Variants in CRMP1 observed in about 807,000 individuals in gnomAD.
CRMP1 encodes collapsin response mediator protein 1.
Under a neutral mutation model 68.3 loss-of-function variants are expected in CRMP1, and 19 were observed. The observed-to-expected ratio is 0.28, with a 90% confidence interval of 0.19 to 0.41. The LOEUF (loss-of-function observed/expected upper bound fraction) is 0.41, where lower values mean the gene tolerates loss of function less well. Ranked by LOEUF, CRMP1 falls within the 10% of genes least tolerant of loss-of-function variation. The pLI, the probability that CRMP1 is intolerant of heterozygous loss-of-function variation, is 1.00. For missense variants in CRMP1, 791 were observed against 967.4 expected (o/e 0.82, Z 2.42); for synonymous variants, 439 against 399.6 (o/e 1.10, Z -1.18).
intron 1 of CRMP1, among the ~76,000 whole-genome samples, chr4:5,882,331 C>T (rs10014289): frequency 0.39 from 59,179 of 152,108 alleles, 14,403 homozygotes; most frequent in East Asian, 0.73. Flanking sequence ...ATGCACAGAG[C>T]AGACTCACTA....
rs796995968 is a variant in CRMP1, at chr4:5,883,258, TCCTC to T, written c.381+9327_381+9330del. 4.0e-4 allele frequency among the ~76,000 whole-genome samples: 60 copies of T among 151,676 alleles called. No homozygotes were observed. The highest frequency in any genetic ancestry group is 1.1e-3 in the African/African-American group (46 of 41,298). ...TTCCTTCCTTCCTTCCTTCCTTCCT[TCCTC>T]CCTCCCTCCCTCCCTTCCTGTCTTT... is the stretch of plus-strand genomic sequence containing the variant. On this transcript the variant is annotated intron_variant, in intron 1 of 13. Transcript: ENST00000324989. This position sits in a 1 kb window ranked among gnomAD's most constrained non-coding sequence, Gnocchi z 4.5.
At position 5,825,445 on chromosome 4, in the gene CRMP1, G is replaced by A. The variant is rs1719398372; in HGVS notation, c.1969+49C>T. 5 of 1,522,434 alleles carry A rather than the reference G, an allele frequency of 3.3e-6. No homozygotes were observed. The highest frequency in any genetic ancestry group is 1.4e-5 in the South Asian group (1 of 73,784). The allele number at this position is 1,522,434 out of a possible 1,614,324, so 94.3% of individuals were successfully genotyped here. A position where few individuals can be genotyped will look rare whatever the true frequency, so the allele number is the denominator to read the frequency against. On this transcript the variant is annotated intron_variant, in intron 13 of 13. Coordinates refer to ENST00000324989, the MANE Select transcript of CRMP1 (RefSeq NM_001014809.3). The surrounding 1 kb of genome is among the most constrained non-coding windows in gnomAD (Gnocchi z 4.4). Reference sequence around the variant, plus strand: ...CCTCAGAAGCAGCAGGAAGGACTCGGCCTGAACTGCTGCAATTGTGGGGAG... The same window carrying A: ...CCTCAGAAGCAGCAGGAAGGACTCGACCTGAACTGCTGCAATTGTGGGGAG...
chr4:5,846,335 A>C (rs1443719516), intron 6 of CRMP1, among the ~76,000 whole-genome samples: 1 of 152,170 alleles, frequency 6.6e-6, no homozygotes, highest in Non-Finnish European at 1.5e-5. Context: ...AGACATTTCA[A>C]AGAGATGAAG....
At position 5,888,578 on chromosome 4, in the gene CRMP1, CCT is replaced by C; in HGVS notation, c.381+4009_381+4010del. 2 of 1,092,592 alleles carry C rather than the reference CCT, an allele frequency of 1.8e-6. No homozygotes were observed. Among genetic ancestry groups the C allele is most frequent in the Non-Finnish European group, 2.2e-6 (2 of 899,150 alleles). The allele number at this position is 1,092,592 out of a possible 1,614,324, so 67.7% of individuals were successfully genotyped here. ...GGCGCGGAGCGAAGCCGGATTCGCC[CCT>C]CTCGGCTCGAACCAGGAAGCGCTTC... On this transcript the variant is annotated intron_variant, in intron 1 of 13. Coordinates refer to ENST00000324989, the MANE Select transcript of CRMP1 (RefSeq NM_001014809.3). This position sits in a 1 kb window ranked among gnomAD's most constrained non-coding sequence, Gnocchi z 6.4.
At chr4:5,840,678 G>A (rs1466542549) in intron 8 of CRMP1, among the ~76,000 whole-genome samples, 1 of 152,222 alleles carries the variant, frequency 6.6e-6, no homozygotes, top group Non-Finnish European at 1.5e-5. Context: ...CGTGTGGTTA[G>A]TGGCTACCTT....
At chr4:5,857,367 C>T (rs1403990722) in intron 3 of CRMP1, among the ~76,000 whole-genome samples, 1 of 152,050 alleles carries the variant, frequency 6.6e-6, no homozygotes. Flanking sequence ...TCATCACCAT[C>T]ATCACCATCC....
rs1715729213 is a variant in CRMP1 at position 5,888,089 on chromosome 4, C to T, written c.381+4500G>A. On this transcript the variant is annotated intron_variant, in intron 1 of 13. Coordinates refer to ENST00000324989, the MANE Select transcript of CRMP1 (RefSeq NM_001014809.3). This position sits in a 1 kb window ranked among gnomAD's most constrained non-coding sequence, Gnocchi z 6.4. Reference sequence around the variant, plus strand: ...GGGGGAGGGGGCTGAAATCCCGAGACCGGCCCCGCCCCACCCGCGGCGACG... The same window carrying T: ...GGGGGAGGGGGCTGAAATCCCGAGATCGGCCCCGCCCCACCCGCGGCGACG... 1 of 1,015,702 alleles carries T rather than the reference C, an allele frequency of 9.8e-7. No homozygotes were observed. The highest frequency in any genetic ancestry group is 4.4e-5 in the Admixed American group (1 of 22,822). The allele number at this position is 1,015,702 out of a possible 1,614,324, so 62.9% of individuals were successfully genotyped here. A position where few individuals can be genotyped will look rare whatever the true frequency, so the allele number is the denominator to read the frequency against.
chr4:5,864,579 G>A (rs1028440274), intron 2 of CRMP1, among the ~76,000 whole-genome samples: 2 of 152,050 alleles, frequency 1.3e-5, no homozygotes, highest in East Asian at 3.9e-4. Flanking sequence ...AGGGCGGGGG[G>A]CCACGAGGCA....
rs369101516 is a variant in CRMP1 at position 5,843,123 on chromosome 4, G to A, written c.1002C>T (p.Pro334=). 7.4e-6 allele frequency: 12 copies of A among 1,614,148 alleles called. No homozygotes were observed. Among genetic ancestry groups the A allele is most frequent in the East Asian group, 2.2e-5 (1 of 44,868 alleles). Residue 334 remains proline, a synonymous_variant, in exon 7 of 14, where the codon CCC becomes CCT. Transcript: ENST00000324989. This position sits in a 1 kb window ranked among gnomAD's most constrained non-coding sequence, Gnocchi z 4.1. Reference sequence around the variant, plus strand: ...CAGGTCTGCTCAGGGCATGGCCCTCGGGACCCGTGATGCCCATCTCCAGGA... The same window carrying A: ...CAGGTCTGCTCAGGGCATGGCCCTCAGGACCCGTGATGCCCATCTCCAGGA... The part of the protein sequence containing the change: ...KRILEMGITG[P]EGHALSRPEE...
rs185846457 is a variant in CRMP1, at chr4:5,877,295, G to A, written c.382-10539C>T. ...GGGGTGTTTGTTAGGCAGCATCATC[G>A]CATCAAAGCAAATTAATACATCGTA... On this transcript the variant is annotated intron_variant, in intron 1 of 13. Coordinates refer to ENST00000324989, the MANE Select transcript of CRMP1 (RefSeq NM_001014809.3). This position sits in a 1 kb window ranked among gnomAD's most constrained non-coding sequence, Gnocchi z 4.3. Among the ~76,000 whole-genome samples, 3 of 152,324 alleles carry A rather than the reference G, an allele frequency of 2.0e-5. No homozygotes were observed. Among genetic ancestry groups the A allele is most frequent in the East Asian group, 1.9e-4 (1 of 5,190 alleles).
chr4:5,840,603 G>A (rs917904474), intron 8 of CRMP1, among the ~76,000 whole-genome samples: 1 of 152,208 alleles, frequency 6.6e-6, no homozygotes, highest in Non-Finnish European at 1.5e-5. Flanking sequence ...TGGTGTGGCT[G>A]GTGCCACTGA....
chr4:5,843,292 C>G lies in CRMP1; in HGVS notation c.964-131G>C. The G allele has an allele frequency of 1.2e-6, 1 of 801,222 alleles. No homozygotes were observed. The highest frequency in any genetic ancestry group is 2.6e-5 in the East Asian group (1 of 38,144). 49.6% of individuals were successfully genotyped at this position (801,222 alleles called of 1,614,324 possible). The stretch of plus-strand genomic sequence containing the variant: ...AGGCGAGTGGCTTGCACTAGGTTAA[C>G]AGTGTGCGGGGTGGGGGCAGTGAAC... On this transcript the variant is annotated intron_variant, in intron 6 of 13. Coordinates refer to ENST00000324989, the MANE Select transcript of CRMP1 (RefSeq NM_001014809.3). This position sits in a 1 kb window ranked among gnomAD's most constrained non-coding sequence, Gnocchi z 4.1.
At chr4:5,862,650 G>A (rs985835939) in intron 2 of CRMP1, among the ~76,000 whole-genome samples, 7 of 152,178 alleles carry the variant, frequency 4.6e-5, no homozygotes, top group African/African-American at 1.4e-4. Flanking sequence ...GCCTGGGCAC[G>A]GTCCAGGCAG....
intron 11 of CRMP1, among the ~76,000 whole-genome samples, chr4:5,835,462 T>C (rs1311108310): frequency 6.6e-6 from 1 of 152,150 alleles, no homozygotes; most frequent in Non-Finnish European, 1.5e-5. Flanking sequence ...TGTGAAAAAG[T>C]GTGCACTTTA....
At position 5,841,231 on chromosome 4, in the gene CRMP1, G is replaced by A; in HGVS notation, c.1153+77C>T. The A allele has an allele frequency of 1.2e-6, 2 of 1,609,890 alleles. No homozygotes were observed. The highest frequency in any genetic ancestry group is 1.1e-5 in the South Asian group (1 of 90,794). ...TCCGGCTGCCTGTCTGAGTTCGGGA[G>A]GGAGTGAACTTGAACCTGCAGGACA... On this transcript the variant is annotated intron_variant, in intron 8 of 13. Transcript: ENST00000324989. This position sits in a 1 kb window ranked among gnomAD's most constrained non-coding sequence, Gnocchi z 6.9.
At chr4:5,836,139 G>C (rs1720708702) in intron 10 of CRMP1, 54 bp from the exon 11 acceptor site, 2 of 1,366,474 alleles carry the variant, frequency 1.5e-6, no homozygotes, top group Non-Finnish European at 1.9e-6. Flanking sequence ...GCCAGGAGGA[G>C]GGGCAGCTGG....
intron 1 of CRMP1, among the ~76,000 whole-genome samples, chr4:5,868,281 A>ATC (rs1317968530): frequency 3.4e-5 from 3 of 89,142 alleles, no homozygotes; most frequent in African/African-American, 1.5e-4. Context: ...ATATATATAT[A>ATC]TATATATATA....
At chr4:5,856,907 CATT>C (rs1713123056) in intron 3 of CRMP1, among the ~76,000 whole-genome samples, 1 of 149,212 alleles carries the variant, frequency 6.7e-6, no homozygotes, top group Admixed American at 6.7e-5. Context: ...TCATTACTAA[CATT>C]ATCACCACCA....
chr4:5,823,283 ACTTTT>A (rs1179668193), intron 13 of CRMP1, among the ~76,000 whole-genome samples: 5 of 152,152 alleles, frequency 3.3e-5, no homozygotes, highest in African/African-American at 1.2e-4. Context: ...CACAGTAGTG[ACTTTT>A]CTTTTCTCCC....
Sources: allele counts gnomAD v4.1 joint callset (sites outside exome capture counted in the v4.1 genomes callset), GRCh38; gene constraint gnomAD v4.1.1; non-coding constraint Gnocchi (gnomAD v3.1); transcripts MANE v1.5; gene names NCBI Gene and HGNC (gene_info 2026-07-23, HGNC 2026-07-21).